Variants in GRIN2B observed in about 807,000 individuals in gnomAD.
GRIN2B encodes glutamate ionotropic receptor NMDA type subunit 2B.
GRIN2B carries 5 observed loss-of-function variants against 114.5 expected under a neutral mutation model. The ratio of observed to expected loss-of-function variants is 0.04; its 90% confidence interval spans 0.02 to 0.09. GRIN2B has a LOEUF of 0.09. Among genes scored for constraint, GRIN2B ranks in the 10% least tolerant of loss-of-function variants. The pLI, the probability that GRIN2B is intolerant of heterozygous loss-of-function variation, is 1.00. For synonymous variants in GRIN2B, 787 were observed against 745.1 expected (o/e 1.06, Z -0.92); for missense variants, 1,108 against 1,943.5 (o/e 0.57, Z 8.08).
intron 2 of GRIN2B, among the ~76,000 whole-genome samples, chr12:13,875,071 C>G (rs370234845): frequency 1.3e-5 from 2 of 152,268 alleles, no homozygotes; most frequent in East Asian, 3.9e-4. Flanking sequence ...CTCTCTCCCC[C>G]ACTCCCTCCC....
intron 5 of GRIN2B, among the ~76,000 whole-genome samples, chr12:13,640,201 T>C (rs1949702139): frequency 6.6e-6 from 1 of 152,084 alleles, no homozygotes; most frequent in Admixed American, 6.6e-5. Context: ...CAGTGAGCTA[T>C]GATCATGCCA....
intron 4 of GRIN2B, among the ~76,000 whole-genome samples, chr12:13,741,178 C>T (rs569745815): frequency 1.3e-5 from 2 of 152,154 alleles, no homozygotes; most frequent in South Asian, 2.1e-4. Flanking sequence ...TACAGGCATC[C>T]GCCACCACGC....
chr12:13,681,539 A>C (rs1950131543), intron 4 of GRIN2B, among the ~76,000 whole-genome samples: 1 of 152,072 alleles, frequency 6.6e-6, no homozygotes, highest in Admixed American at 6.6e-5. Context: ...GTAACTCTGT[A>C]ACTTTGTATC....
chr12:13,869,957 T>G (rs10845849), intron 2 of GRIN2B, among the ~76,000 whole-genome samples: 57,889 of 151,978 alleles, frequency 0.38, 11,266 homozygotes, highest in Middle Eastern at 0.47. Context: ...GTGCTTTGAA[T>G]AATCTAAAAT....
At chr12:13,634,486 A>G (rs1949648700) in intron 5 of GRIN2B, among the ~76,000 whole-genome samples, 1 of 152,218 alleles carries the variant, frequency 6.6e-6, no homozygotes, top group South Asian at 2.1e-4. Flanking sequence ...GGAGTCTTCC[A>G]AAGTCCCTAG....
rs201809938 is a variant in GRIN2B, at chr12:13,562,933, A to G, written c.4305T>C (p.His1435=). ...TCTGGAAACGGGCTGGCACGGCCCC[A>G]TGAAGGGCCGAGACCACCGGCTTGT... ...VTNKPVVSAL[H]GAVPARFQKD... is the part of the protein sequence containing the mutation. The change falls in exon 14 of 14, where the codon CAT becomes CAC. Residue 1435 remains histidine, a synonymous_variant. Transcript: ENST00000609686. 44 of 1,614,190 alleles carry G rather than the reference A, an allele frequency of 2.7e-5. No individual in the cohort carries two copies. Among genetic ancestry groups the G allele is most frequent in the Non-Finnish European group, 3.7e-5 (44 of 1,180,032 alleles).
At chr12:13,793,769 G>T (rs1211028504) in intron 3 of GRIN2B, among the ~76,000 whole-genome samples, 2 of 152,134 alleles carry the variant, frequency 1.3e-5, no homozygotes, top group African/African-American at 4.8e-5. Context: ...GTTCCAGGGG[G>T]ATTCTTCACA....
intron 2 of GRIN2B, among the ~76,000 whole-genome samples, chr12:13,968,588 T>C (rs1467961200): frequency 6.6e-6 from 1 of 152,218 alleles, no homozygotes; most frequent in Non-Finnish European, 1.5e-5. Context: ...TTTTAAAATA[T>C]GCATGTGGTA....
At chr12:13,587,887 G>A (rs1948951809) in intron 10 of GRIN2B, among the ~76,000 whole-genome samples, 2 of 152,142 alleles carry the variant, frequency 1.3e-5, no homozygotes, top group African/African-American at 4.8e-5. Flanking sequence ...TTTGGTTGGT[G>A]CAAAAGTAAT....
Position 13,660,437 on chromosome 12 carries a change from C to T in GRIN2B, c.1125+15308G>A, listed in dbSNP as rs111597691. Reference sequence around the variant, plus strand: ...CAGAGTCCTTCATAGAAGAGCCCTTCAGTTTAGGTTTGTTGAATTGAACTG... The same window carrying T: ...CAGAGTCCTTCATAGAAGAGCCCTTTAGTTTAGGTTTGTTGAATTGAACTG... On this transcript the variant is annotated intron_variant, in intron 5 of 13. Coordinates refer to ENST00000609686, the MANE Select transcript of GRIN2B (RefSeq NM_000834.5). 6.6e-4 allele frequency among the ~76,000 whole-genome samples: 101 copies of T among 152,296 alleles called. 1 individual carries two copies. Among genetic ancestry groups the T allele is most frequent in the Middle Eastern group, 3.4e-3 (1 of 294 alleles).
rs1042903018 is a variant in GRIN2B at position 13,887,338 on chromosome 12, G to A, written c.-18-21112C>T. On this transcript the variant is annotated intron_variant, in intron 2 of 13. Coordinates refer to ENST00000609686, the MANE Select transcript of GRIN2B (RefSeq NM_000834.5). The stretch of plus-strand genomic sequence containing the variant: ...ATTATAAATGTACATGCAGCTCAGT[G>A]AATTTCTATTTTAAAACCCACCATT... Among the ~76,000 whole-genome samples the A allele has an allele frequency of 4.6e-5, 7 of 152,074 alleles. No homozygotes were observed. In the East Asian group the frequency reaches 1.3e-3, roughly 29 times the overall value.
At chr12:13,611,386 T>G (rs1334135182) in intron 9 of GRIN2B, among the ~76,000 whole-genome samples, 3 of 152,214 alleles carry the variant, frequency 2.0e-5, no homozygotes, top group Non-Finnish European at 4.4e-5. Context: ...GTTAGCGACA[T>G]CTGTTCCAAC....
intron 2 of GRIN2B, among the ~76,000 whole-genome samples, chr12:13,967,332 A>G (rs950619665): frequency 6.6e-6 from 1 of 152,250 alleles, no homozygotes; most frequent in African/African-American, 2.4e-5. Flanking sequence ...CTGAGCATCA[A>G]GTCAACCATA....
chr12:13,696,329 A>C (rs899884644), intron 4 of GRIN2B, among the ~76,000 whole-genome samples: 2 of 152,190 alleles, frequency 1.3e-5, no homozygotes, highest in African/African-American at 4.8e-5. Flanking sequence ...ATCTTCAGAC[A>C]TGAGAATACT....
At chr12:13,767,101 C>T (rs1863807425) in intron 3 of GRIN2B, among the ~76,000 whole-genome samples, 1 of 150,544 alleles carries the variant, frequency 6.6e-6, no homozygotes, top group Non-Finnish European at 1.5e-5. Flanking sequence ...CTAAAAAATA[C>T]AAAAAAAAAT....
intron 3 of GRIN2B, among the ~76,000 whole-genome samples, chr12:13,847,619 G>A (rs746059932): frequency 2.0e-5 from 3 of 152,096 alleles, no homozygotes; most frequent in Non-Finnish European, 4.4e-5. Context: ...GGAGATGGGG[G>A]GGAGGACAAG....
intron 3 of GRIN2B, among the ~76,000 whole-genome samples, chr12:13,757,652 C>T (rs1038980596): frequency 2.4e-4 from 37 of 152,066 alleles, no homozygotes; most frequent in African/African-American, 8.7e-4. Flanking sequence ...ACCTGAATGT[C>T]CTTCTTCAAC....
chr12:13,688,283 G>C (rs1298030349), intron 4 of GRIN2B, among the ~76,000 whole-genome samples: 2 of 152,104 alleles, frequency 1.3e-5, no homozygotes, highest in South Asian at 2.1e-4. Context: ...CAAGCCCTAG[G>C]CTCTTGATTA....
chr12:13,909,171 G>A (rs186623155), intron 2 of GRIN2B, among the ~76,000 whole-genome samples: 16 of 152,286 alleles, frequency 1.1e-4, no homozygotes, highest in African/African-American at 3.4e-4. Context: ...AAATTCCACA[G>A]CTCAGGCAGG....
Sources: gnomAD v4.1 joint callset for allele counts (sites outside exome capture counted in the v4.1 genomes callset) on GRCh38, gnomAD v4.1.1 for gene constraint, MANE v1.5 for transcripts, NCBI Gene and HGNC (gene_info 2026-07-23, HGNC 2026-07-21) for gene names.